Variants in PMFBP1 observed in about 807,000 individuals in gnomAD.
The protein encoded by PMFBP1 is polyamine-modulated factor 1-binding protein 1.
In PMFBP1, 131 loss-of-function variants were observed where a neutral mutation model predicts 137.8. That is an observed-to-expected ratio of 0.95 (90% CI 0.82 to 1.10). PMFBP1 has a LOEUF of 1.10. Ranked by LOEUF, PMFBP1 falls within the 50% of genes least tolerant of loss-of-function variation. The pLI, the probability that PMFBP1 is intolerant of heterozygous loss-of-function variation, is 0.00. For missense variants in PMFBP1, 1,199 were observed against 1,175.4 expected (o/e 1.02, Z -0.29); for synonymous variants, 490 against 450.4 (o/e 1.09, Z -1.11).
the PMFBP1 span, among the ~76,000 whole-genome samples, chr16:72,191,494 C>A: frequency 2.6e-5 from 4 of 152,176 alleles, no homozygotes; most frequent in African/African-American, 9.7e-5. Context: ...TCATTAGAAG[C>A]GACTTGGCTC....
At chr16:72,173,128 A>T (rs190657822), upstream of PMFBP1, among the ~76,000 whole-genome samples, 56 of 152,296 alleles carry the variant, frequency 3.7e-4, 1 homozygote, top group Non-Finnish European at 6.2e-4. Context: ...AGGCCTTCAT[A>T]TCTCTGAGGC....
intron 7 of PMFBP1, among the ~76,000 whole-genome samples, chr16:72,138,309 T>C (rs977239004): frequency 6.6e-6 from 1 of 152,084 alleles, no homozygotes; most frequent in Non-Finnish European, 1.5e-5. Flanking sequence ...GGAGCTGACA[T>C]GTGTTGTTTA....
intron 5 of PMFBP1, among the ~76,000 whole-genome samples, chr16:72,141,610 T>C (rs1250245120): frequency 1.3e-5 from 2 of 152,236 alleles, no homozygotes; most frequent in African/African-American, 4.8e-5. Flanking sequence ...GATTTATCAA[T>C]GCTAGTACAT....
At chr16:72,242,076 T>G in the PMFBP1 span, among the ~76,000 whole-genome samples, 1 of 152,190 alleles carries the variant, frequency 6.6e-6, no homozygotes, top group East Asian at 1.9e-4. Context: ...CCTTCATCCT[T>G]CCTTCTCTTC....
the PMFBP1 span, among the ~76,000 whole-genome samples, chr16:72,205,705 A>G: frequency 1.0e-3 from 152 of 152,280 alleles, no homozygotes; most frequent in Admixed American, 4.0e-3. Flanking sequence ...GCACACATGC[A>G]GGGCCCTTTT....
Position 72,154,272 on chromosome 16 carries a change from A to G in PMFBP1, c.353T>C (p.Leu118Pro), listed in dbSNP as rs1197882123. Residue 118 changes from leucine to proline, a missense_variant, in exon 4 of 21, where the codon CTA becomes CCA. Coordinates refer to ENST00000237353, the MANE Select transcript of PMFBP1 (RefSeq NM_031293.3). The stretch of plus-strand genomic sequence containing the variant: ...AACCAGGTCGGAAGTCTGCTTCTCT[A>G]GGATGGACTGATACTGGCGGAGAGA... ...YYSLRQYQSI[L>P]EKQTSDLVLL... is the part of the protein sequence containing the mutation. 6.2e-7 allele frequency: 1 copy of G among 1,614,002 alleles called. No individual in the cohort carries two copies. Among genetic ancestry groups the G allele is most frequent in the African/African-American group, 1.3e-5 (1 of 74,906 alleles).
chr16:72,166,247 A>C (rs1215684788), intron 2 of PMFBP1, among the ~76,000 whole-genome samples: 2 of 152,104 alleles, frequency 1.3e-5, no homozygotes, highest in African/African-American at 2.4e-5. Context: ...GGTTTCTCCC[A>C]TGCTGTTCTT....
chr16:72,195,120 A>G, the PMFBP1 span, among the ~76,000 whole-genome samples: 1 of 152,292 alleles, frequency 6.6e-6, no homozygotes, highest in South Asian at 2.1e-4. Context: ...CTTTGCGGAC[A>G]GCCTCCAGCT....
the PMFBP1 span, among the ~76,000 whole-genome samples, chr16:72,248,653 C>A: frequency 2.0e-5 from 3 of 152,178 alleles, no homozygotes; most frequent in African/African-American, 2.4e-5. Flanking sequence ...CATATCCCAA[C>A]CAGATGGGAT....
chr16:72,225,528 C>G, the PMFBP1 span, among the ~76,000 whole-genome samples: 1 of 151,800 alleles, frequency 6.6e-6, no homozygotes, highest in East Asian at 1.9e-4. Context: ...CATGTCTTTA[C>G]ACGGGGTCTC....
Position 72,122,987 on chromosome 16 carries a change from C to A in PMFBP1, c.2695G>T (p.Val899Phe). Residue 899 changes from valine (V) to phenylalanine (F), a missense_variant and splice_region_variant, in exon 19 of 21, where the codon GTC (valine) becomes TTC (phenylalanine). Coordinates refer to ENST00000237353, the MANE Select transcript of PMFBP1 (RefSeq NM_031293.3). ...NLEQWAKQQK[V>F]ANEKLGNQLR... is the part of the protein sequence containing the mutation. ...TGGTTTCCTAGTTTCTCATTGGCGA[C>A]CCTGTAATAAAATCACAGGAGAAAA... 2 of 1,612,544 alleles carry A rather than the reference C, an allele frequency of 1.2e-6. No individual in the cohort carries two copies. Among genetic ancestry groups the A allele is most frequent in the Non-Finnish European group, 1.7e-6 (2 of 1,179,776 alleles).
rs774721667 is a variant in PMFBP1 at position 72,136,799 on chromosome 16, C to T, written c.939G>A (p.Glu313=). The T allele has an allele frequency of 5.6e-6, 9 of 1,614,180 alleles. No homozygotes were observed. Among genetic ancestry groups the T allele is most frequent in the Non-Finnish European group, 7.6e-6 (9 of 1,180,040 alleles). Reference sequence around the variant, plus strand: ...CATGCAGGCACTGGCTGTCTTTCTGCTCCTGCAAGTGCTTCAGTATCTGGC... The same window carrying T: ...CATGCAGGCACTGGCTGTCTTTCTGTTCCTGCAAGTGCTTCAGTATCTGGC... ...DIKKILKHLQ[E]QKDSQCLHVE... The change falls in exon 8 of 21, where the codon GAG becomes GAA. Residue 313 remains glutamate, a synonymous_variant. Coordinates refer to ENST00000237353, the MANE Select transcript of PMFBP1 (RefSeq NM_031293.3).
In PMFBP1 at chr16:72,154,331, C is replaced by T; in HGVS notation, c.294G>A (p.Glu98=). The T allele has an allele frequency of 1.2e-6, 2 of 1,614,210 alleles. No homozygotes were observed. The highest frequency in any genetic ancestry group is 1.7e-6 in the Non-Finnish European group (2 of 1,180,034). The change falls in exon 4 of 21, where the codon GAG becomes GAA. Residue 98 remains glutamate (E), a synonymous_variant. Coordinates refer to ENST00000237353, the MANE Select transcript of PMFBP1 (RefSeq NM_031293.3). ...AAGTCTGCAACTCCTCTGTGTGAAA[C>T]TCCAGTTCTTGTTGAAGGACCAGCA... ...KKLLVLQQEL[E]FHTEELQTSY...
In PMFBP1 at chr16:72,119,120, T is replaced by C; in HGVS notation, c.*218A>G. The C allele has an allele frequency of 1.9e-6, 1 of 528,426 alleles. No homozygotes were observed. The allele number at this position is 528,426 out of a possible 1,614,324, so 32.7% of individuals were successfully genotyped here. ...GCTGTGCTCATGCTCATGTCTTTAT[T>C]TCAGAGTTTGGGCCTGGAGATGGTA... On this transcript the variant is annotated 3_prime_UTR_variant, in exon 21 of 21. Coordinates refer to ENST00000237353, the MANE Select transcript of PMFBP1 (RefSeq NM_031293.3).
At chr16:72,150,861 C>T in intron 4 of PMFBP1, 32 bp from the exon 5 acceptor site, 1 of 1,578,518 alleles carries the variant, frequency 6.3e-7, no homozygotes. Flanking sequence ...CACATTGAGC[C>T]CATGGAAGCA....
At chr16:72,229,218 T>C in the PMFBP1 span, among the ~76,000 whole-genome samples, 9 of 152,198 alleles carry the variant, frequency 5.9e-5, no homozygotes, top group Admixed American at 5.2e-4. Flanking sequence ...TATTCCATGG[T>C]ATATATGTAC....
chr16:72,118,176 T>C (rs1368638420), downstream of PMFBP1, among the ~76,000 whole-genome samples: 1 of 152,260 alleles, frequency 6.6e-6, no homozygotes, highest in Non-Finnish European at 1.5e-5. Flanking sequence ...CATTGAACTT[T>C]AGTTTGAATA....
At chr16:72,243,048 T>C in the PMFBP1 span, among the ~76,000 whole-genome samples, 1 of 152,236 alleles carries the variant, frequency 6.6e-6, no homozygotes, top group Non-Finnish European at 1.5e-5. Flanking sequence ...GGTTGGTGCC[T>C]GACTTTTGTC....
chr16:72,130,546 G>T lies in PMFBP1; in HGVS notation c.1624C>A (p.Gln542Lys). ...QKESSMAEKEQTSNRKRVEEL... is the reference protein window; with the variant it reads ...QKESSMAEKEKTSNRKRVEEL... ...GAGCCTGGGCACCTGTTGGAGGTTT[G>T]TTCCTTCTCAGCCATCGAGGACTCC... The change falls in exon 11 of 21, where the codon CAA becomes AAA. Residue 542 changes from glutamine (Q) to lysine (K), a missense_variant. Physicochemically the swap from Gln to Lys is moderately conservative, Grantham distance 53. Transcript: ENST00000237353. 6.2e-7 allele frequency: 1 copy of T among 1,614,086 alleles called. No homozygotes were observed. The highest frequency in any genetic ancestry group is 8.5e-7 in the Non-Finnish European group (1 of 1,179,996).
Sources: allele counts gnomAD v4.1 joint callset (sites outside exome capture counted in the v4.1 genomes callset), GRCh38; gene constraint gnomAD v4.1.1; transcripts MANE v1.5; gene names NCBI Gene and HGNC (gene_info 2026-07-23, HGNC 2026-07-21).